Variants in ZFHX3 observed in about 807,000 individuals in gnomAD.
The protein encoded by ZFHX3 is zinc finger homeobox 3.
A neutral mutation model predicts 279.1 loss-of-function variants in ZFHX3; 42 were observed. That is an observed-to-expected ratio of 0.15 (90% CI 0.12 to 0.19). The LOEUF (loss-of-function observed/expected upper bound fraction) is 0.19, where lower values mean the gene tolerates loss of function less well. ZFHX3 is among the 10% of genes least tolerant of loss of function. The probability of loss-of-function intolerance (pLI) is 1.00; values close to 1 mark genes in which losing one functional copy is unlikely to be tolerated. For missense variants in ZFHX3, 4,981 were observed against 4,754.0 expected (o/e 1.05, Z -1.40); for synonymous variants, 2,293 against 1,957.8 (o/e 1.17, Z -4.52).
intron 1 of ZFHX3, among the ~76,000 whole-genome samples, chr16:73,835,251 G>A (rs1444001271): frequency 1.3e-5 from 2 of 152,116 alleles, no homozygotes; most frequent in African/African-American, 4.8e-5. Flanking sequence ...AAGAGACCTA[G>A]GATGGAAACT....
At chr16:73,807,610 C>A (rs1418676318) in intron 1 of ZFHX3, among the ~76,000 whole-genome samples, 1 of 145,344 alleles carries the variant, frequency 6.9e-6, no homozygotes, top group Non-Finnish European at 1.5e-5. Flanking sequence ...GCACATTCCA[C>A]CATGCCCCAA....
At chr16:73,353,997 T>A (rs1257053477) in intron 3 of ZFHX3, among the ~76,000 whole-genome samples, 1 of 152,114 alleles carries the variant, frequency 6.6e-6, no homozygotes, top group Non-Finnish European at 1.5e-5. Flanking sequence ...CAAATCTCAC[T>A]CGGAGAGAAG....
At chr16:72,917,986 T>C (rs886978820) in intron 3 of ZFHX3, among the ~76,000 whole-genome samples, 13 of 151,738 alleles carry the variant, frequency 8.6e-5, no homozygotes, top group African/African-American at 2.9e-4. Flanking sequence ...AAAACAGCAA[T>C]AAATGTCAAG....
At chr16:72,887,921 G>A (rs1020544326) in intron 4 of ZFHX3, among the ~76,000 whole-genome samples, 1 of 152,082 alleles carries the variant, frequency 6.6e-6, no homozygotes, top group African/African-American at 2.4e-5. Context: ...GCTGGTGTGT[G>A]TGCCGTCTGC....
intron 2 of ZFHX3, among the ~76,000 whole-genome samples, chr16:73,498,795 G>A (rs1039623147): frequency 1.3e-5 from 2 of 152,150 alleles, no homozygotes; most frequent in Admixed American, 1.3e-4. Flanking sequence ...CCTGGGGAAG[G>A]GGGTTTAACC....
chr16:73,658,911 G>T (rs994634377), intron 2 of ZFHX3, among the ~76,000 whole-genome samples: 8 of 151,964 alleles, frequency 5.3e-5, no homozygotes, highest in Non-Finnish European at 7.4e-5. Flanking sequence ...AATAATGGAC[G>T]CATTATTTAC....
intron 3 of ZFHX3, among the ~76,000 whole-genome samples, chr16:73,330,917 C>T (rs796679007): frequency 1.5e-4 from 23 of 152,236 alleles, no homozygotes; most frequent in African/African-American, 5.5e-4. Context: ...TTCTGATGAT[C>T]CTTATGCTTC....
intron 3 of ZFHX3, among the ~76,000 whole-genome samples, chr16:73,379,289 A>G (rs1334223536): frequency 1.3e-5 from 2 of 152,150 alleles, no homozygotes; most frequent in Non-Finnish European, 2.9e-5. Context: ...TCATTCTGGA[A>G]TGCCTTGGCT....
At chr16:73,637,253 A>G (rs1029525356) in intron 2 of ZFHX3, among the ~76,000 whole-genome samples, 3 of 138,642 alleles carry the variant, frequency 2.2e-5, no homozygotes, top group Admixed American at 1.5e-4. Flanking sequence ...TTTTTTTGAG[A>G]CAGAATCTTG....
chr16:72,819,274 T>A (rs2036709768), intron 5 of ZFHX3, among the ~76,000 whole-genome samples: 1 of 119,732 alleles, frequency 8.4e-6, no homozygotes, highest in African/African-American at 3.2e-5. Context: ...CTTAGGGCCC[T>A]ATGCCTGTCA....
intron 3 of ZFHX3, among the ~76,000 whole-genome samples, chr16:73,350,498 G>C (rs1208700916): frequency 6.6e-6 from 1 of 152,156 alleles, no homozygotes; most frequent in South Asian, 2.1e-4. Context: ...TCAAGAGGTG[G>C]TACTTGGGAT....
chr16:72,812,481 T>C (rs999430051), intron 5 of ZFHX3, among the ~76,000 whole-genome samples: 1 of 152,226 alleles, frequency 6.6e-6, no homozygotes, highest in Non-Finnish European at 1.5e-5. Flanking sequence ...CTCAACTTTA[T>C]TGTCCCTCCT....
At chr16:72,800,775 G>A (rs935156833) in intron 7 of ZFHX3, among the ~76,000 whole-genome samples, 1 of 152,136 alleles carries the variant, frequency 6.6e-6, no homozygotes, top group African/African-American at 2.4e-5. Flanking sequence ...ATTTCTTCTG[G>A]AGTCTCTGCC....
At chr16:73,725,709 T>G (rs906782258) in intron 1 of ZFHX3, among the ~76,000 whole-genome samples, 1 of 152,086 alleles carries the variant, frequency 6.6e-6, no homozygotes, top group African/African-American at 2.4e-5. Flanking sequence ...CAGCAACTGT[T>G]TAGAACAACA....
At chr16:73,862,900 A>G (rs1392884022) in intron 1 of ZFHX3, among the ~76,000 whole-genome samples, 1 of 152,180 alleles carries the variant, frequency 6.6e-6, no homozygotes, top group Non-Finnish European at 1.5e-5. Flanking sequence ...CGTGGTTCAT[A>G]CAACTGTAAC....
intron 4 of ZFHX3, among the ~76,000 whole-genome samples, chr16:73,271,771 C>T (rs1352639379): frequency 1.3e-5 from 2 of 152,166 alleles, no homozygotes; most frequent in Non-Finnish European, 2.9e-5. Context: ...CACCCTATGC[C>T]ATGCTTCCTG....
At chr16:73,349,987 T>C (rs2016208522) in intron 3 of ZFHX3, among the ~76,000 whole-genome samples, 2 of 151,004 alleles carry the variant, frequency 1.3e-5, no homozygotes, top group African/African-American at 4.9e-5. Context: ...CCCATGGCTT[T>C]TGCCTTTCCA....
intron 2 of ZFHX3, among the ~76,000 whole-genome samples, chr16:73,622,431 G>A (rs1425817883): frequency 6.6e-6 from 1 of 152,060 alleles, no homozygotes; most frequent in East Asian, 1.9e-4. Flanking sequence ...GCGTGGTGGC[G>A]GGCACCTGCA....
At chr16:73,886,628 T>C (rs2030354465) in intron 1 of ZFHX3, among the ~76,000 whole-genome samples, 1 of 152,220 alleles carries the variant, frequency 6.6e-6, no homozygotes. Context: ...CAAATGTGCG[T>C]GTGAGCGACA....
Sources: allele counts gnomAD v4.1 joint callset (sites outside exome capture counted in the v4.1 genomes callset), GRCh38; gene constraint gnomAD v4.1.1; transcripts MANE v1.5; gene names NCBI Gene and HGNC (gene_info 2026-07-23, HGNC 2026-07-21).